The following RBFOX1 variants were observed in gnomAD, a reference collection of about 807,000 sequenced individuals.
The protein encoded by RBFOX1 is RNA binding fox-1 homolog 1.
In RBFOX1, 8 loss-of-function variants were observed where a neutral mutation model predicts 57.7. That is an observed-to-expected ratio of 0.14 (90% confidence interval 0.08 to 0.25). RBFOX1 has a LOEUF of 0.25. RBFOX1 is among the 10% of genes least tolerant of loss of function. The pLI is 1.00. For synonymous variants in RBFOX1, 326 were observed against 222.4 expected (o/e 1.47, Z -4.15); for missense variants, 611 against 548.5 (o/e 1.11, Z -1.14).
chr16:6,263,079 T>C (rs1309926658), intron 1 of RBFOX1, among the ~76,000 whole-genome samples: 1 of 152,022 alleles, frequency 6.6e-6, no homozygotes, highest in Non-Finnish European at 1.5e-5. Context: ...AAGACTGAAA[T>C]GGGGAAAAGT....
chr16:6,058,130 G>T (rs6500741), intron 1 of RBFOX1, among the ~76,000 whole-genome samples: 37,006 of 151,970 alleles, frequency 0.24, 5,227 homozygotes, highest in African/African-American at 0.38. Flanking sequence ...TTTTGAGCAC[G>T]TGATGGGGTC....
At chr16:5,859,412 A>G (rs1205907407) in intron 3 of RBFOX1, among the ~76,000 whole-genome samples, 1 of 152,216 alleles carries the variant, frequency 6.6e-6, no homozygotes, top group Non-Finnish European at 1.5e-5. Flanking sequence ...ACAGCAAGAA[A>G]GATTTTTGTG....
intron 4 of RBFOX1, among the ~76,000 whole-genome samples, chr16:7,330,781 T>G (rs2096679740): frequency 6.6e-6 from 1 of 152,220 alleles, no homozygotes; most frequent in East Asian, 1.9e-4. Context: ...AGAGACAATT[T>G]GATCTGACAC....
intron 1 of RBFOX1, among the ~76,000 whole-genome samples, chr16:6,235,694 A>G (rs1483401751): frequency 6.6e-6 from 1 of 151,954 alleles, no homozygotes; most frequent in Non-Finnish European, 1.5e-5. Context: ...GGAATGAATT[A>G]ATGGCATTCA....
chr16:5,738,851 A>G (rs1212783032), intron 3 of RBFOX1, among the ~76,000 whole-genome samples: 1 of 152,032 alleles, frequency 6.6e-6, no homozygotes, highest in Non-Finnish European at 1.5e-5. Flanking sequence ...GCTCATCTAA[A>G]CCTTAGCTAG....
Position 5,239,892 on chromosome 16 carries a change from C to A in RBFOX1, c.6C>A (p.Ala2=), listed in dbSNP as rs370891650. 3,094 of 1,476,282 alleles carry A rather than the reference C, an allele frequency of 2.1e-3. 8 individuals are homozygous for A. In the East Asian group the frequency reaches 0.052, roughly 25 times the overall value. 91.4% of individuals were successfully genotyped at this position (1,476,282 alleles called of 1,614,324 possible). ...CAGGCAGAGCCCCCGGAGCCATGGC[C>A]AGCCCTTCCGGCAGCTCCGAAGCCA... The change falls in exon 1 of 3, where the codon GCC becomes GCA. Residue 2 remains alanine, a synonymous_variant. Coordinates refer to the RBFOX1 transcript ENST00000585867.
intron 2 of RBFOX1, among the ~76,000 whole-genome samples, chr16:6,529,623 T>C (rs2096629076): frequency 6.6e-6 from 1 of 151,870 alleles, no homozygotes; most frequent in Non-Finnish European, 1.5e-5. Flanking sequence ...GAGTCAGCTG[T>C]TTTCACTGAT....
intron 4 of RBFOX1, among the ~76,000 whole-genome samples, chr16:7,450,009 G>T (rs895506773): frequency 6.6e-6 from 1 of 152,150 alleles, no homozygotes; most frequent in Non-Finnish European, 1.5e-5. Flanking sequence ...CCAGTATTCA[G>T]GAGGAGAGCC....
chr16:6,014,471 C>T (rs549375984), upstream of RBFOX1, among the ~76,000 whole-genome samples: 142 of 152,144 alleles, frequency 9.3e-4, no homozygotes, highest in Middle Eastern at 6.8e-3. Flanking sequence ...GTATTAAATG[C>T]CTTGGTTAAT....
chr16:7,246,660 G>A (rs183139857), intron 4 of RBFOX1, among the ~76,000 whole-genome samples: 2 of 101,720 alleles, frequency 2.0e-5, no homozygotes, highest in African/African-American at 7.6e-5. Flanking sequence ...TTTTTTTACT[G>A]AGTTTGAATG....
At chr16:6,805,329 A>G (rs1183632751) in intron 3 of RBFOX1, among the ~76,000 whole-genome samples, 1 of 152,204 alleles carries the variant, frequency 6.6e-6, no homozygotes, top group Non-Finnish European at 1.5e-5. Flanking sequence ...ACAAGTGGGA[A>G]TTCAGTGATT....
chr16:6,607,457 T>C (rs1246960373), intron 2 of RBFOX1, among the ~76,000 whole-genome samples: 1 of 149,164 alleles, frequency 6.7e-6, no homozygotes, highest in Non-Finnish European at 1.5e-5. Flanking sequence ...TCTCTTCCTC[T>C]CTCTCTTCCT....
At chr16:5,801,936 C>A (rs1455708488) in intron 3 of RBFOX1, among the ~76,000 whole-genome samples, 1 of 152,108 alleles carries the variant, frequency 6.6e-6, no homozygotes, top group Non-Finnish European at 1.5e-5. Context: ...ATTCCCCTCT[C>A]CCCCGGAGGG....
At chr16:7,617,280 A>G (rs1388436879) in intron 10 of RBFOX1, among the ~76,000 whole-genome samples, 1 of 152,218 alleles carries the variant, frequency 6.6e-6, no homozygotes, top group Non-Finnish European at 1.5e-5. Flanking sequence ...AGCCATAGAC[A>G]ATGTGTAAAT....
At chr16:6,817,573 G>A (rs1346109327) in intron 3 of RBFOX1, among the ~76,000 whole-genome samples, 2 of 151,378 alleles carry the variant, frequency 1.3e-5, no homozygotes, top group African/African-American at 2.4e-5. Flanking sequence ...GGATTTGGTG[G>A]CGCATGCGTG....
At position 6,842,472 on chromosome 16, in the gene RBFOX1, G is replaced by A. The variant is rs189537195; in HGVS notation, c.-16+187822G>A. Among the ~76,000 whole-genome samples, 9 of 151,982 alleles carry A rather than the reference G, an allele frequency of 5.9e-5. 1 individual carries two copies. Among genetic ancestry groups the A allele is most frequent in the African/African-American group, 2.2e-4 (9 of 41,408 alleles). On this transcript the variant is annotated intron_variant, in intron 3 of 15. Transcript: ENST00000550418. ...TATATTTATATACAAATATGAATGT[G>A]TGTGTTTGTTTAGAAAAACCAAATT...
chr16:5,432,750 C>T (rs1377331639), intron 1 of RBFOX1, among the ~76,000 whole-genome samples: 2 of 151,992 alleles, frequency 1.3e-5, no homozygotes, highest in African/African-American at 2.4e-5. Flanking sequence ...TCCTGTCTTT[C>T]CCACAGATTA....
intron 4 of RBFOX1, among the ~76,000 whole-genome samples, chr16:7,212,978 A>G (rs1372305901): frequency 1.3e-5 from 2 of 152,194 alleles, no homozygotes; most frequent in Non-Finnish European, 2.9e-5. Flanking sequence ...GGAACACTTG[A>G]CTTGATCCTT....
chr16:7,348,819 G>A (rs2097070366), intron 4 of RBFOX1, among the ~76,000 whole-genome samples: 2 of 152,116 alleles, frequency 1.3e-5, no homozygotes, highest in Non-Finnish European at 1.5e-5. Context: ...GCACGTGCTT[G>A]TAATCCCAGC....
Sources: gnomAD v4.1 joint callset for allele counts (sites outside exome capture counted in the v4.1 genomes callset) on GRCh38, gnomAD v4.1.1 for gene constraint, MANE v1.5 for transcripts, NCBI Gene and HGNC (gene_info 2026-07-23, HGNC 2026-07-21) for gene names.